The following EYS variants were observed in gnomAD, a reference collection of about 807,000 sequenced individuals.
The protein encoded by EYS is EGF-like photoreceptor maintenance factor.
EYS carries 250 observed loss-of-function variants against 282.1 expected under a neutral mutation model. That is an observed-to-expected ratio of 0.89 (90% CI 0.80 to 0.98). The LOEUF (loss-of-function observed/expected upper bound fraction) is 0.98. EYS is among the 50% of genes least tolerant of loss of function. EYS has a pLI of 0.00. For missense variants in EYS, 4,016 were observed against 3,709.0 expected, an observed-to-expected ratio of 1.08 and a Z score of -2.15; for synonymous variants, 1,355 against 1,282.9, an observed-to-expected ratio of 1.06 and a Z score of -1.20.
chr6:64,842,917 G>A (rs2760576), intron 19 of EYS, among the ~76,000 whole-genome samples: 84,398 of 151,946 alleles, frequency 0.56, 24,194 homozygotes, highest in Non-Finnish European at 0.62. Flanking sequence ...AGAAATTCAA[G>A]CTGGCTGCAA....
chr6:64,079,639 T>C (rs1243991987), intron 32 of EYS, among the ~76,000 whole-genome samples: 4 of 152,094 alleles, frequency 2.6e-5, no homozygotes, highest in Non-Finnish European at 2.9e-5. Context: ...TTGTTACATA[T>C]GTATACATGT....
chr6:64,036,863 G>A (rs921473941), intron 33 of EYS, among the ~76,000 whole-genome samples: 4 of 152,118 alleles, frequency 2.6e-5, no homozygotes, highest in Admixed American at 2.0e-4. Flanking sequence ...TAGACCACAC[G>A]GAGGATAGTG....
At chr6:63,850,774 C>T (rs1772226028) in intron 36 of EYS, among the ~76,000 whole-genome samples, 2 of 152,104 alleles carry the variant, frequency 1.3e-5, no homozygotes, top group Non-Finnish European at 2.9e-5. Context: ...AAACAATGTG[C>T]AAAATAACCA....
At chr6:63,953,342 C>A (rs1310658654) in intron 35 of EYS, among the ~76,000 whole-genome samples, 4 of 152,128 alleles carry the variant, frequency 2.6e-5, no homozygotes, top group Non-Finnish European at 5.9e-5. Context: ...ATTTTGACAA[C>A]CTTCTACTTT....
At chr6:64,750,889 G>T (rs745659428) in intron 22 of EYS, among the ~76,000 whole-genome samples, 1 of 152,166 alleles carries the variant, frequency 6.6e-6, no homozygotes, top group Non-Finnish European at 1.5e-5. Flanking sequence ...CATGAGAGGG[G>T]CAGAGTCCCC....
In EYS at chr6:65,201,981, G is replaced by A. The variant is rs190251196; in HGVS notation, c.2023+93882C>T. Among the ~76,000 whole-genome samples, 223 of 152,036 alleles carry A rather than the reference G, an allele frequency of 1.5e-3. 1 individual carries two copies. The highest frequency in any genetic ancestry group is 4.8e-3 in the African/African-American group (198 of 41,468). Reference sequence around the variant, plus strand: ...ACAAAAATAAGCTGGGCGTGGTGACGCACACCTGTAGTCCCAGCTACTCAG... The same window carrying A: ...ACAAAAATAAGCTGGGCGTGGTGACACACACCTGTAGTCCCAGCTACTCAG... On this transcript the variant is annotated intron_variant, in intron 12 of 42. Coordinates refer to ENST00000503581, the MANE Select transcript of EYS (RefSeq NM_001142800.2).
At chr6:65,242,220 C>A (rs949284081) in intron 12 of EYS, among the ~76,000 whole-genome samples, 1 of 151,934 alleles carries the variant, frequency 6.6e-6, no homozygotes, top group African/African-American at 2.4e-5. Context: ...TTTGTGCAAC[C>A]ATCATCACAA....
intron 5 of EYS, among the ~76,000 whole-genome samples, chr6:65,408,942 A>AT (rs1353062368): frequency 1.3e-5 from 2 of 151,846 alleles, no homozygotes; most frequent in African/African-American, 4.8e-5. Flanking sequence ...GTTCCATGTT[A>AT]TTTTTTTCTT....
chr6:64,667,425 A>G (rs1451699441), intron 22 of EYS, among the ~76,000 whole-genome samples: 1 of 151,834 alleles, frequency 6.6e-6, no homozygotes, highest in East Asian at 1.9e-4. Context: ...TGCAGATGGC[A>G]TCATTATCTC....
intron 12 of EYS, among the ~76,000 whole-genome samples, chr6:65,162,045 C>A (rs1764862649): frequency 6.6e-6 from 1 of 151,186 alleles, no homozygotes; most frequent in South Asian, 2.1e-4. Context: ...CTGAAACAGG[C>A]AAACCATTGC....
chr6:64,361,074 A>T (rs1771985324), intron 29 of EYS, among the ~76,000 whole-genome samples: 1 of 151,734 alleles, frequency 6.6e-6, no homozygotes. Flanking sequence ...TAGTGCACCC[A>T]AAAAGTGACC....
chr6:65,650,325 G>C (rs888521682), intron 1 of EYS, among the ~76,000 whole-genome samples: 24 of 152,118 alleles, frequency 1.6e-4, no homozygotes, highest in Non-Finnish European at 2.8e-4. Flanking sequence ...AGGTCTGAAG[G>C]TTATAAGGCT....
intron 30 of EYS, among the ~76,000 whole-genome samples, chr6:64,249,934 C>G (rs1349196005): frequency 1.3e-5 from 2 of 151,994 alleles, no homozygotes; most frequent in East Asian, 3.9e-4. Flanking sequence ...AGGTACGAGG[C>G]AGAGTAGAGA....
At chr6:64,282,350 A>C (rs1768338590) in intron 30 of EYS, among the ~76,000 whole-genome samples, 1 of 152,162 alleles carries the variant, frequency 6.6e-6, no homozygotes, top group Non-Finnish European at 1.5e-5. Context: ...AATTAGAGTC[A>C]ACCTTTTGCG....
intron 7 of EYS, among the ~76,000 whole-genome samples, chr6:65,398,810 A>G (rs1176638751): frequency 6.6e-6 from 1 of 152,064 alleles, no homozygotes; most frequent in Non-Finnish European, 1.5e-5. Context: ...CAAAACTGAC[A>G]TCTTGTTTTA....
intron 2 of EYS, among the ~76,000 whole-genome samples, chr6:65,630,581 T>A (rs1257945625): frequency 1.3e-5 from 2 of 152,202 alleles, no homozygotes; most frequent in Admixed American, 6.5e-5. Flanking sequence ...AAGTCTCAGG[T>A]TGCATAACAA....
chr6:64,751,322 T>C (rs913386552), intron 22 of EYS, among the ~76,000 whole-genome samples: 1 of 152,198 alleles, frequency 6.6e-6, no homozygotes, highest in African/African-American at 2.4e-5. Flanking sequence ...CTCCAGGCAT[T>C]TGAAGCAACT....
intron 5 of EYS, among the ~76,000 whole-genome samples, chr6:65,418,601 C>A (rs1767331658): frequency 6.6e-6 from 1 of 151,970 alleles, no homozygotes; most frequent in Non-Finnish European, 1.5e-5. Flanking sequence ...AGCTGAAAGC[C>A]ATCATCCTTA....
At chr6:63,821,409 C>T (rs1455348011) in intron 36 of EYS, 1 of 152,172 alleles carries the variant, frequency 6.6e-6, no homozygotes, top group Non-Finnish European at 1.5e-5. Flanking sequence ...TTATAGCCCT[C>T]ACCCTTTCAC....
Sources: allele counts gnomAD v4.1 joint callset (sites outside exome capture counted in the v4.1 genomes callset), GRCh38; gene constraint gnomAD v4.1.1; transcripts MANE v1.5; gene names NCBI Gene and HGNC (gene_info 2026-07-23, HGNC 2026-07-21).